KCNK9: variants seen among roughly 807,000 people sequenced by gnomAD.
The protein encoded by KCNK9 is potassium channel subfamily K member 9.
In KCNK9, 1 loss-of-function variant was observed where a neutral mutation model predicts 10.8. The ratio of observed to expected loss-of-function variants is 0.09; its 90% CI spans 0.03 to 0.44. The LOEUF is 0.44. KCNK9 is among the 20% of genes least tolerant of loss of function. The pLI, the probability that KCNK9 is intolerant of heterozygous loss-of-function variation, is 0.97. For missense variants in KCNK9, 303 were observed against 515.0 expected (o/e 0.59, Z 3.98); for synonymous variants, 231 against 222.7 (o/e 1.04, Z -0.33).
At chr8:139,628,366 G>T (rs995470202) in intron 1 of KCNK9, among the ~76,000 whole-genome samples, 4 of 152,216 alleles carry the variant, frequency 2.6e-5, no homozygotes, top group Non-Finnish European at 4.4e-5. Context: ...ACAGCGTGCC[G>T]AGGAACCCCA....
chr8:139,653,956 A>G (rs12114521), intron 1 of KCNK9, among the ~76,000 whole-genome samples: 33,668 of 151,966 alleles, frequency 0.22, 7,580 homozygotes, highest in East Asian at 0.56. Flanking sequence ...GCCCGTGTTC[A>G]TTTCTTCCAC....
Position 139,702,663 on chromosome 8 carries a change from G to A in KCNK9, c.283+47C>T, listed in dbSNP as rs748575482. ...GCGCGGCGCGCTCAGCCGCCTCCCC[G>A]GACTCCTCCCGGGGCGCGGGAGCCC... On this transcript the variant is annotated intron_variant, in intron 1 of 1. Coordinates refer to ENST00000520439, the MANE Select transcript of KCNK9 (RefSeq NM_001282534.2). This position sits in a 1 kb window ranked among gnomAD's most constrained non-coding sequence, Gnocchi z 7.5. 12 of 1,555,728 alleles carry A rather than the reference G, an allele frequency of 7.7e-6. No homozygotes were observed. The Admixed American group carries it at 1.7e-4, about 22-fold the overall frequency.
At chr8:139,668,496 A>G (rs1816352001) in intron 1 of KCNK9, among the ~76,000 whole-genome samples, 2 of 148,952 alleles carry the variant, frequency 1.3e-5, no homozygotes, top group South Asian at 4.2e-4. Context: ...ATCTTGGCTC[A>G]CTGCAACCTC....
intron 1 of KCNK9, among the ~76,000 whole-genome samples, chr8:139,621,460 A>G (rs1814778816): frequency 6.6e-6 from 1 of 152,172 alleles, no homozygotes; most frequent in Non-Finnish European, 1.5e-5. Flanking sequence ...TATACCACAT[A>G]CAGGGGAACA....
At chr8:139,675,363 A>G (rs1341309813) in intron 1 of KCNK9, among the ~76,000 whole-genome samples, 1 of 152,176 alleles carries the variant, frequency 6.6e-6, no homozygotes, top group Non-Finnish European at 1.5e-5. Flanking sequence ...CCTAAAATCC[A>G]TATGTTAAAA....
intron 1 of KCNK9, among the ~76,000 whole-genome samples, chr8:139,621,057 T>C (rs140500730): frequency 0.013 from 2,031 of 152,208 alleles, 48 homozygotes; most frequent in African/African-American, 0.047. Flanking sequence ...CCAAGGCAGA[T>C]GGATCACTTG....
chr8:139,636,833 G>T (rs1436587626), intron 1 of KCNK9, among the ~76,000 whole-genome samples: 2 of 152,202 alleles, frequency 1.3e-5, no homozygotes, highest in Non-Finnish European at 2.9e-5. Flanking sequence ...AGGTGACCTG[G>T]AACACCCATA....
At chr8:139,609,799 G>A (rs866999255), downstream of KCNK9, among the ~76,000 whole-genome samples, 6 of 151,970 alleles carry the variant, frequency 3.9e-5, no homozygotes, top group Admixed American at 3.9e-4. Flanking sequence ...GTGGAGGGGG[G>A]ATATTTTCCA....
Position 139,653,261 on chromosome 8 carries a change from G to T in KCNK9, c.284-34162C>A, listed in dbSNP as rs370390809. 2.6e-4 allele frequency among the ~76,000 whole-genome samples: 39 copies of T among 152,290 alleles called. No individual in the cohort carries two copies. The East Asian group carries it at 2.7e-3, about 11-fold the overall frequency. Reference sequence around the variant, plus strand: ...TTATCATAAGATGCCACAGATATATGGCCAGGAATAGAAAATGTTATGAAT... The same window carrying T: ...TTATCATAAGATGCCACAGATATATTGCCAGGAATAGAAAATGTTATGAAT... On this transcript the variant is annotated intron_variant, in intron 1 of 1. Transcript: ENST00000520439.
chr8:139,637,002 A>G (rs895703893), intron 1 of KCNK9, among the ~76,000 whole-genome samples: 1 of 152,250 alleles, frequency 6.6e-6, no homozygotes, highest in African/African-American at 2.4e-5. Context: ...TCCAAAGTAC[A>G]TGACCACTTA....
chr8:139,650,097 G>A (rs138617778), intron 1 of KCNK9, among the ~76,000 whole-genome samples: 28 of 152,342 alleles, frequency 1.8e-4, no homozygotes, highest in African/African-American at 6.3e-4. Flanking sequence ...AGATCATGTG[G>A]AGCCTGTGGC....
chr8:139,680,293 G>C (rs963087906), intron 1 of KCNK9, among the ~76,000 whole-genome samples: 1 of 152,156 alleles, frequency 6.6e-6, no homozygotes. Context: ...CTTCAGGAAG[G>C]AAACTTCCCC....
At chr8:139,674,161 G>T (rs1041404686) in intron 1 of KCNK9, among the ~76,000 whole-genome samples, 19 of 152,230 alleles carry the variant, frequency 1.2e-4, no homozygotes, top group Admixed American at 2.6e-4. Context: ...GTACTTGGAG[G>T]TGGGGCCTTT....
At chr8:139,623,573 C>T (rs528470895) in intron 1 of KCNK9, among the ~76,000 whole-genome samples, 4 of 152,092 alleles carry the variant, frequency 2.6e-5, no homozygotes, top group Non-Finnish European at 5.9e-5. Context: ...TACCTCCTAC[C>T]CCACCTGTGA....
At chr8:139,674,728 G>A (rs1029880230) in intron 1 of KCNK9, among the ~76,000 whole-genome samples, 3 of 152,176 alleles carry the variant, frequency 2.0e-5, no homozygotes, top group Admixed American at 2.0e-4. Flanking sequence ...GCTGTGACAG[G>A]GCCCAGGCTG....
rs1249712591 is a variant in KCNK9, at chr8:139,618,332, T to C, written c.1051A>G (p.Ile351Val). The C allele has an allele frequency of 5.0e-6, 8 of 1,614,018 alleles. No homozygotes were observed. The highest frequency in any genetic ancestry group is 6.8e-6 in the Non-Finnish European group (8 of 1,180,016). The part of the protein sequence containing the change: ...TLKNSLFPSP[I>V]SSISPGLHSF... ...TGTAACCCAGGAGAGATGGAGCTAATAGGCGATGGGAAGAGGCTGTTTTTT... is the reference window on the plus strand; with the variant it reads ...TGTAACCCAGGAGAGATGGAGCTAACAGGCGATGGGAAGAGGCTGTTTTTT... Residue 351 changes from isoleucine (I) to valine (V), a missense_variant, in exon 2 of 2, where the codon ATT (isoleucine) becomes GTT (valine). By Grantham distance (29) the Ile-to-Val change is conservative (BLOSUM62 3). Around this residue, in one of 5 missense-constraint regions of KCNK9, gnomAD observed 138 missense variants for 161.1 expected, o/e 0.86. Transcript: ENST00000520439. This position sits in a 1 kb window ranked among gnomAD's most constrained non-coding sequence, Gnocchi z 7.9.
Position 139,619,065 on chromosome 8 carries a change from G to A in KCNK9, c.318C>T (p.Gly106=). The A allele has an allele frequency of 6.2e-7, 1 of 1,614,208 alleles. No homozygotes were observed. Among genetic ancestry groups the A allele is most frequent in the Non-Finnish European group, 8.5e-7 (1 of 1,180,038 alleles). The change falls in exon 2 of 2, where the codon GGC becomes GGT. Residue 106 remains glycine, a synonymous_variant. Coordinates refer to ENST00000520439, the MANE Select transcript of KCNK9 (RefSeq NM_001282534.2). ...CGGCGTAGAACATGCAGAAGGCCTT[G>A]CCCGCATCGGTGCCAGGTGCAGCGT... ...YGHAAPGTDA[G]KAFCMFYAVL...
At chr8:139,700,544 G>GCGCGCGCA (rs796638723) in intron 1 of KCNK9, among the ~76,000 whole-genome samples, 11 of 142,588 alleles carry the variant, frequency 7.7e-5, no homozygotes, top group African/African-American at 2.9e-4. Flanking sequence ...ACACACGCGC[G>GCGCGCGCA]CACACACACA....
chr8:139,682,003 G>T (rs369297552), intron 1 of KCNK9, among the ~76,000 whole-genome samples: 9 of 152,290 alleles, frequency 5.9e-5, no homozygotes, highest in African/African-American at 1.2e-4. Context: ...GGCCCTGCAG[G>T]TACCCTGGGA....
Sources: allele counts gnomAD v4.1 joint callset (sites outside exome capture counted in the v4.1 genomes callset), GRCh38; gene constraint gnomAD v4.1.1; regional missense constraint gnomAD v4.1.1; non-coding constraint Gnocchi (gnomAD v3.1); transcripts MANE v1.5; gene names NCBI Gene and HGNC (gene_info 2026-07-23, HGNC 2026-07-21).